EP400: variants seen among roughly 807,000 people sequenced by gnomAD.
EP400 encodes E1A-binding protein p400.
In EP400, 105 loss-of-function variants were observed where a neutral mutation model predicts 354.1. That is an observed-to-expected ratio of 0.30 (90% CI 0.25 to 0.35). The LOEUF (loss-of-function observed/expected upper bound fraction) is 0.35. EP400 is among the 10% of genes least tolerant of loss of function. The pLI, the probability that EP400 is intolerant of heterozygous loss-of-function variation, is 1.00. For synonymous variants in EP400, 1,646 were observed against 1,716.9 expected, an observed-to-expected ratio of 0.96 and a Z score of 1.02; for missense variants, 3,280 against 4,121.0, an observed-to-expected ratio of 0.80 and a Z score of 5.59.
rs1894277873 is a variant in EP400, at chr12:132,025,568, C to T, written c.4856-78C>T. On this transcript the variant is annotated intron_variant, in intron 24 of 52. Transcript: ENST00000389561. The surrounding 1 kb of genome is among the most constrained non-coding windows in gnomAD (Gnocchi z 4.1). ...TTCAGTTTGTCAACTTATTTTTGTA[C>T]TGTTTGGAAGTGCCTGGAGTGTGTG... is the stretch of plus-strand genomic sequence containing the variant. 2 of 1,375,354 alleles carry T rather than the reference C, an allele frequency of 1.5e-6. No individual in the cohort carries two copies. Among genetic ancestry groups the T allele is most frequent in the East Asian group, 5.4e-5 (2 of 37,294 alleles). The allele number at this position is 1,375,354 out of a possible 1,614,324, so 85.2% of individuals were successfully genotyped here.
chr12:132,001,427 C>G (rs964277397), intron 12 of EP400, among the ~76,000 whole-genome samples: 3 of 152,158 alleles, frequency 2.0e-5, no homozygotes, highest in African/African-American at 7.2e-5. Flanking sequence ...CTACTGTTAT[C>G]TAAAAGGCAG....
rs371877543 is a variant in EP400, at chr12:132,067,535, C to T, written c.8874+49C>T. Reference sequence around the variant, plus strand: ...CTTCTGGGTCTATGCCAAGCCAAAGCTGGCTGCTGGAGGAGAGGGTCCTAA... The same window carrying T: ...CTTCTGGGTCTATGCCAAGCCAAAGTTGGCTGCTGGAGGAGAGGGTCCTAA... On this transcript the variant is annotated intron_variant, in intron 50 of 52. Coordinates refer to ENST00000389561, the MANE Select transcript of EP400 (RefSeq NM_015409.5). This position sits in a 1 kb window ranked among gnomAD's most constrained non-coding sequence, Gnocchi z 5.3. 1.1e-4 allele frequency: 170 copies of T among 1,584,740 alleles called. No homozygotes were observed. Among genetic ancestry groups the T allele is most frequent in the African/African-American group, 4.0e-5 (3 of 74,302 alleles).
chr12:132,053,026 C>T (rs1328503818), intron 41 of EP400, 120 bp from the exon 42 acceptor site: 2 of 1,039,900 alleles, frequency 1.9e-6, no homozygotes, highest in Non-Finnish European at 3.0e-6. Flanking sequence ...TTGCTTTACG[C>T]CCTCATCTCT....
rs536331359 is a variant in EP400, at chr12:131,974,785, C to T, written c.1336-4909C>T. Among the ~76,000 whole-genome samples, 421 of 152,018 alleles carry T rather than the reference C, an allele frequency of 2.8e-3. 2 individuals are homozygous for T. Among genetic ancestry groups the T allele is most frequent in the Non-Finnish European group, 4.8e-3 (328 of 67,980 alleles). ...CGGGCGGATCACGAGGTCAGGAATT[C>T]AAAACCAGCCTGGTCAACATAGTGA... On this transcript the variant is annotated intron_variant, in intron 2 of 52. Coordinates refer to ENST00000389561, the MANE Select transcript of EP400 (RefSeq NM_015409.5).
At chr12:131,958,646 C>CT (rs1891781830) in intron 1 of EP400, among the ~76,000 whole-genome samples, 1 of 152,082 alleles carries the variant, frequency 6.6e-6, no homozygotes, top group Non-Finnish European at 1.5e-5. Flanking sequence ...TCCTGAGTAG[C>CT]TGAGACTAAG....
chr12:132,045,257 T>G (rs925795540), intron 37 of EP400, 62 bp from the exon 38 acceptor site: 1 of 1,589,544 alleles, frequency 6.3e-7, no homozygotes, highest in Admixed American at 1.7e-5. Context: ...TCCTTTGTCT[T>G]TTGCCTGCCC....
chr12:131,953,615 C>T (rs1345044732), intron 1 of EP400, among the ~76,000 whole-genome samples: 7 of 152,258 alleles, frequency 4.6e-5, no homozygotes, highest in Middle Eastern at 6.8e-3. Context: ...TGGTATCATT[C>T]GGAATTTATA....
intron 47 of EP400, 93 bp downstream of exon 47, chr12:132,062,794 A>G (rs1439435034): frequency 1.3e-6 from 2 of 1,512,858 alleles, no homozygotes; most frequent in Non-Finnish European, 1.8e-6. Flanking sequence ...GGTGCAGTCC[A>G]GAGTGTATTT....
chr12:132,037,373 T>TG (rs1473307482), intron 30 of EP400, among the ~76,000 whole-genome samples: 2 of 152,326 alleles, frequency 1.3e-5, no homozygotes, highest in East Asian at 3.9e-4. Context: ...GAGGTACATC[T>TG]GGAAGGACCA....
In EP400 at chr12:132,046,827, C is replaced by T. The variant is rs577384796; in HGVS notation, c.7200+927C>T. Among the ~76,000 whole-genome samples the T allele has an allele frequency of 1.2e-4, 19 of 152,358 alleles. No homozygotes were observed. In the South Asian group the frequency reaches 1.7e-3, roughly 13 times the overall value. On this transcript the variant is annotated intron_variant, in intron 39 of 52. Coordinates refer to ENST00000389561, the MANE Select transcript of EP400 (RefSeq NM_015409.5). ...GCGTCTGCATGCTCTACTGTGCCCA[C>T]GTTGCCAGTGTCCACACCCATTGGG...
intron 2 of EP400, among the ~76,000 whole-genome samples, chr12:131,976,575 G>A (rs1892481029): frequency 1.3e-5 from 2 of 152,030 alleles, no homozygotes; most frequent in Non-Finnish European, 2.9e-5. Flanking sequence ...AGCCGGGCAT[G>A]GTGGCGCACC....
At position 132,029,971 on chromosome 12, in the gene EP400, A is replaced by T. The variant is rs1182687677; in HGVS notation, c.5585-18A>T. 18 of 1,613,444 alleles carry T rather than the reference A, an allele frequency of 1.1e-5. No individual in the cohort carries two copies. The highest frequency in any genetic ancestry group is 1.4e-5 in the Non-Finnish European group (16 of 1,179,990). ...GGCCCTGGATGATGAGGCGCTCTTG[A>T]TGTGATTCGTTTCCCAGGGAAGTTG... On this transcript the variant is annotated intron_variant, in intron 28 of 52. Coordinates refer to ENST00000389561, the MANE Select transcript of EP400 (RefSeq NM_015409.5). This position sits in a 1 kb window ranked among gnomAD's most constrained non-coding sequence, Gnocchi z 4.7.
chr12:131,981,667 C>T, intron 4 of EP400, 71 bp downstream of exon 4: 1 of 1,345,080 alleles, frequency 7.4e-7, no homozygotes, highest in Non-Finnish European at 1.0e-6. Flanking sequence ...GAAACCAGCA[C>T]CAGACTCAGA....
intron 16 of EP400, among the ~76,000 whole-genome samples, chr12:132,012,490 T>G (rs1164854249): frequency 6.6e-6 from 1 of 152,178 alleles, no homozygotes; most frequent in East Asian, 1.9e-4. Flanking sequence ...CTGCACAAGT[T>G]CATCCTTGAG....
intron 52 of EP400, 47 bp downstream of exon 52, chr12:132,076,640 G>GA (rs1440817170): frequency 2.0e-6 from 3 of 1,538,146 alleles, no homozygotes; most frequent in Non-Finnish European, 2.7e-6. Context: ...CCAGGTCAGA[G>GA]AATGGGTTGT....
At chr12:131,982,562 A>C (rs1593324357) in intron 5 of EP400, 84 bp downstream of exon 5, 8 of 1,470,086 alleles carry the variant, frequency 5.4e-6, no homozygotes, top group Non-Finnish European at 7.3e-6. Flanking sequence ...GTCACACCAC[A>C]CTGTAATTTG....
At chr12:131,984,823 C>T (rs1017883365) in intron 5 of EP400, among the ~76,000 whole-genome samples, 1 of 151,780 alleles carries the variant, frequency 6.6e-6, no homozygotes, top group Non-Finnish European at 1.5e-5. Flanking sequence ...CTCAGCCTCC[C>T]GAGTAGCTGG....
At chr12:132,036,383 C>T (rs566150501) in intron 30 of EP400, among the ~76,000 whole-genome samples, 160 of 151,106 alleles carry the variant, frequency 1.1e-3, no homozygotes, top group African/African-American at 3.7e-3. Flanking sequence ...AGGACACACC[C>T]GGGTTCACAC....
At chr12:131,980,323 A>G (rs955307417) in intron 3 of EP400, among the ~76,000 whole-genome samples, 9 of 152,168 alleles carry the variant, frequency 5.9e-5, no homozygotes, top group Non-Finnish European at 1.3e-4. Flanking sequence ...TTGAGATGCG[A>G]TCATATATAA....
Sources: allele counts gnomAD v4.1 joint callset (sites outside exome capture counted in the v4.1 genomes callset), GRCh38; gene constraint gnomAD v4.1.1; non-coding constraint Gnocchi (gnomAD v3.1); transcripts MANE v1.5; gene names NCBI Gene and HGNC (gene_info 2026-07-23, HGNC 2026-07-21).